EPB41L4B: variants seen among roughly 807,000 people sequenced by gnomAD.
EPB41L4B encodes the protein erythrocyte membrane protein band 4.1 like 4B.
In EPB41L4B, 30 loss-of-function variants were observed where a neutral mutation model predicts 112.5. The ratio of observed to expected loss-of-function variants is 0.27; its 90% CI spans 0.20 to 0.36. The LOEUF is 0.36. EPB41L4B is among the 10% of genes least tolerant of loss of function. The pLI is 1.00. For missense variants in EPB41L4B, 1,024 were observed against 1,133.3 expected (o/e 0.90, Z 1.38); for synonymous variants, 408 against 439.7 (o/e 0.93, Z 0.90).
Position 109,258,262 on chromosome 9 carries a change from G to C in EPB41L4B, c.667C>G (p.Pro223Ala), listed in dbSNP as rs1835058361. 1 of 1,613,958 alleles carries C rather than the reference G, an allele frequency of 6.2e-7. No homozygotes were observed. Among genetic ancestry groups the C allele is most frequent in the Non-Finnish European group, 8.5e-7 (1 of 1,179,842 alleles). ...AACCGAAACTCAGACACAAGCTCTG[G>C]TGTGTGTTCTGGAAGCTCGCACTCC... ...LGECELPEHT[P>A]ELVSEFRFIP... Residue 223 changes from proline to alanine, a missense_variant, in exon 7 of 26, where the codon CCA becomes GCA. Physicochemically the swap from Pro to Ala is conservative, Grantham distance 27. Transcript: ENST00000374566.
chr9:109,177,820 C>CAA (rs1192617011), intron 24 of EPB41L4B, among the ~76,000 whole-genome samples: 122 of 129,356 alleles, frequency 9.4e-4, no homozygotes, highest in Admixed American at 4.6e-3. Context: ...GACTCTGTCT[C>CAA]AAAAAAAAAA....
At chr9:109,306,312 G>A (rs1837190034) in intron 1 of EPB41L4B, among the ~76,000 whole-genome samples, 1 of 152,088 alleles carries the variant, frequency 6.6e-6, no homozygotes, top group Non-Finnish European at 1.5e-5. Flanking sequence ...ATCACCTGGG[G>A]AGTTTTAAAA....
intron 7 of EPB41L4B, 82 bp from the exon 8 acceptor site, chr9:109,256,562 C>CAT: frequency 8.5e-7 from 1 of 1,170,514 alleles, no homozygotes; most frequent in Non-Finnish European, 1.2e-6. Context: ...TACTATGGAA[C>CAT]GTTATGCAGC....
chr9:109,246,866 T>C (rs1564291338), intron 14 of EPB41L4B, among the ~76,000 whole-genome samples: 1 of 152,250 alleles, frequency 6.6e-6, no homozygotes, highest in African/African-American at 2.4e-5. Context: ...GCACATCACC[T>C]AGCACAGTGC....
intron 23 of EPB41L4B, among the ~76,000 whole-genome samples, chr9:109,184,732 A>G (rs1221454028): frequency 1.3e-5 from 2 of 152,254 alleles, no homozygotes; most frequent in African/African-American, 4.8e-5. Context: ...CACCATGTTT[A>G]ATCCAGCAGG....
intron 1 of EPB41L4B, among the ~76,000 whole-genome samples, chr9:109,314,961 T>A (rs920393397): frequency 1.3e-5 from 2 of 152,014 alleles, no homozygotes; most frequent in Non-Finnish European, 2.9e-5. Context: ...ACCTTCACCC[T>A]CCCCAACACA....
At chr9:109,252,682 G>A (rs1385413474) in intron 12 of EPB41L4B, among the ~76,000 whole-genome samples, 1 of 152,206 alleles carries the variant, frequency 6.6e-6, no homozygotes, top group Non-Finnish European at 1.5e-5. Context: ...ATGTACAGAA[G>A]GGGCCAGGAG....
chr9:109,294,330 T>C (rs1376114145), intron 1 of EPB41L4B, among the ~76,000 whole-genome samples: 3 of 150,020 alleles, frequency 2.0e-5, no homozygotes, highest in South Asian at 4.2e-4. Flanking sequence ...AAAAAATCAT[T>C]GTTAGGCCAG....
rs530651320 is a variant in EPB41L4B, at chr9:109,229,238, G to C, written c.1410-12093C>G. 1.5e-4 allele frequency among the ~76,000 whole-genome samples: 23 copies of C among 152,272 alleles called. 1 individual carries two copies. The South Asian group carries it at 4.8e-3, about 32-fold the overall frequency. On this transcript the variant is annotated intron_variant, in intron 15 of 25. Transcript: ENST00000374566. ...CCAATGCAGTCTTCCTTGCTGAACA[G>C]AATTTACAACAGTAATAACTGCAGG...
At chr9:109,246,229 T>C (rs1011642583) in intron 14 of EPB41L4B, among the ~76,000 whole-genome samples, 14 of 152,006 alleles carry the variant, frequency 9.2e-5, no homozygotes, top group African/African-American at 3.4e-4. Flanking sequence ...TGGTGAAACT[T>C]TGTCTCTATT....
chr9:109,237,789 G>A (rs1834201654), intron 15 of EPB41L4B, among the ~76,000 whole-genome samples: 1 of 152,074 alleles, frequency 6.6e-6, no homozygotes, highest in African/African-American at 2.4e-5. Context: ...AGTTATGACT[G>A]GTAGTGGTGA....
chr9:109,259,500 C>CA, intron 6 of EPB41L4B, among the ~76,000 whole-genome samples: 1 of 152,180 alleles, frequency 6.6e-6, no homozygotes, highest in Non-Finnish European at 1.5e-5. Context: ...ACTCAATTTG[C>CA]AATCTCTGCA....
intron 6 of EPB41L4B, among the ~76,000 whole-genome samples, chr9:109,259,100 G>C (rs1835099558): frequency 6.6e-6 from 1 of 152,046 alleles, no homozygotes; most frequent in South Asian, 2.1e-4. Flanking sequence ...TCTAACACTA[G>C]GCTACACCAA....
At position 109,256,192 on chromosome 9, in the gene EPB41L4B, C is replaced by G. The variant is rs778730739; in HGVS notation, c.873G>C (p.Leu291=). Residue 291 remains leucine, a synonymous_variant, in exon 9 of 26, where the codon CTG becomes CTC. Transcript: ENST00000374566. ...GRDGCEYSLG[L]TPTGILIFEG... is the part of the protein sequence containing the mutation. The stretch of plus-strand genomic sequence containing the variant: ...CAAAGATTAATATGCCTGTCGGGGT[C>G]AGTCCAAGAGAATATTCACAGCCAT... 2.4e-5 allele frequency: 38 copies of G among 1,614,046 alleles called. No homozygotes were observed. The Middle Eastern group carries it at 4.9e-4, about 21-fold the overall frequency.
chr9:109,277,845 G>A (rs1316457043), intron 2 of EPB41L4B, among the ~76,000 whole-genome samples: 3 of 152,204 alleles, frequency 2.0e-5, no homozygotes, highest in Non-Finnish European at 2.9e-5. Context: ...TGGGAAAATG[G>A]AAGGAATCAA....
At chr9:109,266,930 C>T (rs1009062339) in intron 4 of EPB41L4B, among the ~76,000 whole-genome samples, 2 of 142,478 alleles carry the variant, frequency 1.4e-5, no homozygotes, top group Non-Finnish European at 3.0e-5. Context: ...GATCATGCCA[C>T]TGCACTCCAA....
chr9:109,191,890 C>T (rs117779179), intron 22 of EPB41L4B, among the ~76,000 whole-genome samples: 4,784 of 152,266 alleles, frequency 0.031, 108 homozygotes, highest in Admixed American at 0.042. Context: ...TGGGGTGTGG[C>T]CTTGAGCCAG....
intron 15 of EPB41L4B, chr9:109,240,812 G>A (rs1213382807): frequency 2.0e-6 from 2 of 985,334 alleles, no homozygotes; most frequent in Non-Finnish European, 2.4e-6. Context: ...TTCTGACAGT[G>A]TGTATTCACA....
At chr9:109,214,132 A>G (rs1440734844) in intron 16 of EPB41L4B, among the ~76,000 whole-genome samples, 1 of 152,216 alleles carries the variant, frequency 6.6e-6, no homozygotes, top group Non-Finnish European at 1.5e-5. Context: ...TATCCAATGA[A>G]GTCATTTATG....
Sources: allele counts gnomAD v4.1 joint callset (sites outside exome capture counted in the v4.1 genomes callset), GRCh38; gene constraint gnomAD v4.1.1; transcripts MANE v1.5; gene names NCBI Gene and HGNC (gene_info 2026-07-23, HGNC 2026-07-21).